The following EYA1 variants were observed in gnomAD, a reference collection of about 807,000 sequenced individuals.
EYA1 encodes protein phosphatase EYA1.
Under a neutral mutation model 82.0 loss-of-function variants are expected in EYA1, and 16 were observed. The ratio of observed to expected loss-of-function variants is 0.20; its 90% CI spans 0.13 to 0.30. The LOEUF is 0.30. EYA1 is among the 10% of genes least tolerant of loss of function. The pLI, the probability that EYA1 is intolerant of heterozygous loss-of-function variation, is 1.00. For missense variants in EYA1, 633 were observed against 730.7 expected (o/e 0.87, Z 1.54); for synonymous variants, 261 against 264.4 (o/e 0.99, Z 0.12).
At chr8:71,341,552 A>C (rs886744334) in intron 3 of EYA1, among the ~76,000 whole-genome samples, 1 of 152,220 alleles carries the variant, frequency 6.6e-6, no homozygotes, top group African/African-American at 2.4e-5. Flanking sequence ...GATTGACTCA[A>C]TATTACAAGT....
intron 4 of EYA1, among the ~76,000 whole-genome samples, chr8:71,332,606 C>G (rs910577918): frequency 6.6e-6 from 1 of 152,174 alleles, no homozygotes; most frequent in Non-Finnish European, 1.5e-5. Context: ...CTGATTTCTC[C>G]ACTTCAGCTC....
intron 9 of EYA1, among the ~76,000 whole-genome samples, chr8:71,279,485 T>C (rs1293582099): frequency 6.6e-6 from 1 of 152,232 alleles, no homozygotes; most frequent in African/African-American, 2.4e-5. Context: ...TTCCGTGGCA[T>C]TCCCCATAGG....
intron 2 of EYA1, among the ~76,000 whole-genome samples, chr8:71,482,651 G>A (rs571564588): frequency 6.6e-6 from 1 of 152,280 alleles, no homozygotes; most frequent in South Asian, 2.1e-4. Context: ...TTCAGCAACA[G>A]TAAAGAAATT....
chr8:71,204,704 A>ATACT (rs1807520629), intron 17 of EYA1, among the ~76,000 whole-genome samples: 1 of 152,250 alleles, frequency 6.6e-6, no homozygotes, highest in Admixed American at 6.5e-5. Context: ...GTGTAAAAAA[A>ATACT]TACTTATTTG....
intron 3 of EYA1, among the ~76,000 whole-genome samples, chr8:71,350,970 C>T (rs1293971588): frequency 2.0e-5 from 3 of 152,186 alleles, no homozygotes; most frequent in African/African-American, 7.2e-5. Flanking sequence ...ATGCTTAACA[C>T]AAATATCAAC....
intron 7 of EYA1, among the ~76,000 whole-genome samples, chr8:71,317,196 T>C (rs918579199): frequency 6.6e-6 from 1 of 152,204 alleles, no homozygotes; most frequent in Non-Finnish European, 1.5e-5. Flanking sequence ...ACCAAGTGCG[T>C]AAGTTTTTAG....
chr8:71,296,743 A>G (rs1819643314), intron 9 of EYA1, among the ~76,000 whole-genome samples: 1 of 152,060 alleles, frequency 6.6e-6, no homozygotes, highest in South Asian at 2.1e-4. Flanking sequence ...ATTTCTAAAT[A>G]TTTAGTTTAA....
chr8:71,237,923 T>C (rs1236365457), intron 12 of EYA1, among the ~76,000 whole-genome samples: 1 of 152,130 alleles, frequency 6.6e-6, no homozygotes, highest in Admixed American at 6.5e-5. Flanking sequence ...AGAAACAAAA[T>C]ATGATGGATT....
intron 2 of EYA1, among the ~76,000 whole-genome samples, chr8:71,533,819 C>T (rs1814487681): frequency 6.6e-6 from 1 of 152,184 alleles, no homozygotes; most frequent in South Asian, 2.1e-4. Context: ...ATCAGTGCCA[C>T]ACAGTGTTTG....
Position 71,443,481 on chromosome 8 carries a change from A to G in EYA1, c.34-86970T>C, listed in dbSNP as rs146362061. ...TTTTCAGTAGAGACAGGGTTTCGCT[A>G]TGTTGGCCAGGATGGTCTTGAACCC... On this transcript the variant is annotated intron_variant, in intron 2 of 18. Transcript: ENST00000643681. 2.5e-3 allele frequency among the ~76,000 whole-genome samples: 380 copies of G among 152,264 alleles called. 3 individuals carry two copies. Among genetic ancestry groups the G allele is most frequent in the African/African-American group, 8.9e-3 (370 of 41,554 alleles).
intron 11 of EYA1, among the ~76,000 whole-genome samples, chr8:71,261,085 G>A (rs1174183011): frequency 1.3e-5 from 2 of 151,986 alleles, no homozygotes; most frequent in Non-Finnish European, 2.9e-5. Context: ...CTGCCCACAA[G>A]GAAAGGATTA....
At chr8:71,286,541 G>T (rs1818383743) in intron 9 of EYA1, among the ~76,000 whole-genome samples, 2 of 152,212 alleles carry the variant, frequency 1.3e-5, no homozygotes, top group Non-Finnish European at 2.9e-5. Flanking sequence ...ATGCGAAGGT[G>T]TTATTGCTTG....
At chr8:71,422,655 C>A (rs1184097755) in intron 2 of EYA1, among the ~76,000 whole-genome samples, 2 of 152,094 alleles carry the variant, frequency 1.3e-5, no homozygotes, top group African/African-American at 4.8e-5. Flanking sequence ...GGGGAGGCCT[C>A]AGGAAATTTG....
intron 17 of EYA1, among the ~76,000 whole-genome samples, chr8:71,203,370 A>C (rs1369639587): frequency 1.3e-5 from 2 of 152,256 alleles, no homozygotes; most frequent in East Asian, 3.8e-4. Context: ...GGCAAGATAT[A>C]ACTGATGAAA....
chr8:71,240,410 G>A lies in EYA1; in HGVS notation c.1140+4193C>T, dbSNP rs188900065. 1.1e-3 allele frequency among the ~76,000 whole-genome samples: 171 copies of A among 152,246 alleles called. 1 individual carries two copies. Among genetic ancestry groups the A allele is most frequent in the African/African-American group, 3.9e-3 (164 of 41,548 alleles). Reference sequence around the variant, plus strand: ...TAAATCTTGATGCAAAGAATGCTCTGGTCTGCTCCAACTAAACAATGCACT... The same window carrying A: ...TAAATCTTGATGCAAAGAATGCTCTAGTCTGCTCCAACTAAACAATGCACT... On this transcript the variant is annotated intron_variant, in intron 12 of 17. Coordinates refer to ENST00000340726, the MANE Select transcript of EYA1 (RefSeq NM_000503.6).
intron 11 of EYA1, among the ~76,000 whole-genome samples, chr8:71,268,011 G>A (rs1816071357): frequency 6.6e-6 from 1 of 152,232 alleles, no homozygotes; most frequent in Non-Finnish European, 1.5e-5. Context: ...GTTTAGACAT[G>A]AATGAAAAAT....
intron 4 of EYA1, among the ~76,000 whole-genome samples, chr8:71,326,519 A>T (rs1480174367): frequency 6.6e-6 from 1 of 152,196 alleles, no homozygotes; most frequent in Admixed American, 6.5e-5. Flanking sequence ...CCTAGCTGTT[A>T]AGCTCTGCAA....
chr8:71,416,277 A>G (rs765033645), intron 2 of EYA1, among the ~76,000 whole-genome samples: 20 of 152,126 alleles, frequency 1.3e-4, no homozygotes, highest in Non-Finnish European at 2.6e-4. Flanking sequence ...CAGCAGTACT[A>G]TTGGGACATC....
At chr8:71,491,084 T>G (rs1053320630) in intron 2 of EYA1, among the ~76,000 whole-genome samples, 1 of 152,078 alleles carries the variant, frequency 6.6e-6, no homozygotes, top group Non-Finnish European at 1.5e-5. Context: ...CCAAGCAGTC[T>G]TCTGGACTCA....
Sources: gnomAD v4.1 joint callset for allele counts (sites outside exome capture counted in the v4.1 genomes callset) on GRCh38, gnomAD v4.1.1 for gene constraint, MANE v1.5 for transcripts, NCBI Gene and HGNC (gene_info 2026-07-23, HGNC 2026-07-21) for gene names.